Variants in INPP5D observed in about 807,000 individuals in gnomAD.
The protein encoded by INPP5D is phosphatidylinositol 3,4,5-trisphosphate 5-phosphatase 1.
A neutral mutation model predicts 122.9 loss-of-function variants in INPP5D; 33 were observed. The observed-to-expected ratio is 0.27, with a 90% confidence interval of 0.20 to 0.36. The LOEUF is 0.36. INPP5D is among the 10% of genes least tolerant of loss of function. The probability of loss-of-function intolerance (pLI) is 1.00; values close to 1 mark genes in which losing one functional copy is unlikely to be tolerated. For missense variants in INPP5D, 1,053 were observed against 1,412.7 expected (o/e 0.75, Z 4.08); for synonymous variants, 584 against 576.2 (o/e 1.01, Z -0.19).
At chr2:233,175,025 C>G (rs113807511) in intron 17 of INPP5D, among the ~76,000 whole-genome samples, 141,256 of 151,734 alleles carry the variant, frequency 0.93, 65,811 homozygotes, top group East Asian at 1. Flanking sequence ...TCAGGAGTTC[C>G]AGACCAGTCT....
chr2:233,131,623 C>T (rs1693329316), intron 5 of INPP5D, among the ~76,000 whole-genome samples: 1 of 152,148 alleles, frequency 6.6e-6, no homozygotes, highest in Non-Finnish European at 1.5e-5. Context: ...TCACTTGAAC[C>T]TGGGAGGCTG....
chr2:233,108,928 C>A (rs970460139), intron 2 of INPP5D, among the ~76,000 whole-genome samples: 36 of 152,304 alleles, frequency 2.4e-4, no homozygotes, highest in African/African-American at 8.7e-4. Context: ...GAGGGGACAA[C>A]CCCCTGCCCA....
intron 17 of INPP5D, among the ~76,000 whole-genome samples, chr2:233,176,921 G>T (rs1162411854): frequency 1.3e-5 from 2 of 152,028 alleles, no homozygotes; most frequent in African/African-American, 4.8e-5. Flanking sequence ...GTAAGTGACT[G>T]CAGAAAGTGA....
chr2:233,195,344 C>A, intron 23 of INPP5D, 55 bp from the exon 24 acceptor site: 1 of 1,612,646 alleles, frequency 6.2e-7, no homozygotes. Flanking sequence ...CCATCCCTCG[C>A]CTAAGCTCTG....
At chr2:233,098,837 G>A (rs922893323) in intron 2 of INPP5D, among the ~76,000 whole-genome samples, 5 of 152,162 alleles carry the variant, frequency 3.3e-5, no homozygotes, top group Non-Finnish European at 7.4e-5. Flanking sequence ...ACCAGGGGGC[G>A]CCCATTCAGC....
At chr2:233,166,345 G>T (rs1045072520) in intron 13 of INPP5D, among the ~76,000 whole-genome samples, 3 of 152,252 alleles carry the variant, frequency 2.0e-5, no homozygotes, top group Admixed American at 2.0e-4. Flanking sequence ...TTCTGAGCAG[G>T]CAGGAGCTCT....
rs770834125 is a variant in INPP5D, at chr2:233,161,787, C to T, written c.1201C>T (p.Pro401Ser). 6 of 1,613,664 alleles carry T rather than the reference C, an allele frequency of 3.7e-6. No individual in the cohort carries two copies. In the South Asian group the frequency reaches 6.6e-5, roughly 18 times the overall value. ...MKNKHSEQPE[P>S]DMITIFIGTW... is the part of the protein sequence containing the mutation. ...GAACAAGCACTCAGAGCAGCCGGAG[C>T]CCGACATGATCACCATCTTCATCGG... is the stretch of plus-strand genomic sequence containing the variant. Residue 401 changes from proline to serine, a missense_variant, in exon 11 of 27, where the codon CCC becomes TCC. Physicochemically the swap from Pro to Ser is moderately conservative, Grantham distance 74. Coordinates refer to ENST00000445964, the MANE Select transcript of INPP5D (RefSeq NM_001017915.3).
Position 233,071,345 on chromosome 2 carries a change from C to T in INPP5D, c.135-7990C>T, listed in dbSNP as rs1691380436. Among the ~76,000 whole-genome samples the T allele has an allele frequency of 2.6e-5, 4 of 151,896 alleles. No homozygotes were observed. The South Asian group carries it at 8.3e-4, about 32-fold the overall frequency. ...GTATTTTTCTCAGCTAATCATCTTT[C>T]CCAAAACCTCTTACTGAATAACATT... On this transcript the variant is annotated intron_variant, in intron 1 of 26. Transcript: ENST00000445964.
At chr2:233,092,662 T>C (rs10933428) in intron 2 of INPP5D, among the ~76,000 whole-genome samples, 66,731 of 152,076 alleles carry the variant, frequency 0.44, 17,792 homozygotes, top group East Asian at 0.77. Context: ...AGCAAGGGGA[T>C]GAGCTTCCTT....
intron 2 of INPP5D, among the ~76,000 whole-genome samples, chr2:233,107,872 C>T (rs191754899): frequency 4.6e-4 from 70 of 152,276 alleles, no homozygotes; most frequent in African/African-American, 1.6e-3. Flanking sequence ...GCTTGGGCCT[C>T]TTCCCCAGCG....
In INPP5D at chr2:233,085,297, G is replaced by A. The variant is rs141788755; in HGVS notation, c.198+5899G>A. ...GCTACTCCGGAGGCTGAGGTGGGAG[G>A]ATCGCTTGAACCTGAGAGGCAGAGG... On this transcript the variant is annotated intron_variant, in intron 2 of 26. Coordinates refer to ENST00000445964, the MANE Select transcript of INPP5D (RefSeq NM_001017915.3). Among the ~76,000 whole-genome samples the A allele has an allele frequency of 1.2e-3, 177 of 151,906 alleles. 1 individual carries two copies. The highest frequency in any genetic ancestry group is 1.3e-3 in the Non-Finnish European group (87 of 67,990).
At chr2:233,148,251 G>A (rs1343753590) in intron 9 of INPP5D, among the ~76,000 whole-genome samples, 3 of 151,870 alleles carry the variant, frequency 2.0e-5, no homozygotes, top group Admixed American at 6.6e-5. Flanking sequence ...TTGAGTAGCC[G>A]ATAGAGACTC....
chr2:233,142,294 A>G (rs1207811426), intron 6 of INPP5D, among the ~76,000 whole-genome samples: 2 of 152,236 alleles, frequency 1.3e-5, no homozygotes, highest in South Asian at 2.1e-4. Context: ...TTAGGAATTC[A>G]GAAATCAAGA....
chr2:233,147,683 G>A, intron 9 of INPP5D, 89 bp downstream of exon 9: 2 of 678,092 alleles, frequency 2.9e-6, no homozygotes, highest in Non-Finnish European at 5.4e-6. Flanking sequence ...GGCCTGCCCT[G>A]CAGGTCTGTC....
At chr2:233,132,721 G>A (rs1048197719) in intron 5 of INPP5D, among the ~76,000 whole-genome samples, 3 of 152,118 alleles carry the variant, frequency 2.0e-5, no homozygotes, top group East Asian at 1.9e-4. Context: ...TCATTCATTC[G>A]TTCATCGAAC....
chr2:233,194,488 C>CTT (rs544200839), intron 23 of INPP5D, among the ~76,000 whole-genome samples: 6 of 88,712 alleles, frequency 6.8e-5, no homozygotes, highest in Non-Finnish European at 1.0e-4. Context: ...TTCTAAACTG[C>CTT]TTTTTTTTTT....
At chr2:233,198,492 T>G in intron 25 of INPP5D, 116 bp downstream of exon 25, 1 of 1,431,982 alleles carries the variant, frequency 7.0e-7, no homozygotes, top group Non-Finnish European at 9.2e-7. Flanking sequence ...TCCACTTGGC[T>G]CATGACTTAT....
chr2:233,065,441 G>A (rs1367666080), intron 1 of INPP5D, among the ~76,000 whole-genome samples: 1 of 147,244 alleles, frequency 6.8e-6, no homozygotes, highest in African/African-American at 2.5e-5. Flanking sequence ...CCAAGCAGCT[G>A]GGATTACAGG....
intron 9 of INPP5D, among the ~76,000 whole-genome samples, 160 bp downstream of exon 9, chr2:233,147,754 C>A (rs1693807685): frequency 1.3e-5 from 2 of 152,184 alleles, no homozygotes; most frequent in African/African-American, 4.8e-5. Flanking sequence ...CTTCTCTTCC[C>A]CACCAAGACC....
Sources: allele counts gnomAD v4.1 joint callset (sites outside exome capture counted in the v4.1 genomes callset), GRCh38; gene constraint gnomAD v4.1.1; transcripts MANE v1.5; gene names NCBI Gene and HGNC (gene_info 2026-07-23, HGNC 2026-07-21).